The following TACC2 variants were observed in gnomAD, a reference collection of about 807,000 sequenced individuals.
TACC2 encodes transforming acidic coiled-coil-containing protein 2.
TACC2 carries 137 observed loss-of-function variants against 227.3 expected under a neutral mutation model. The observed-to-expected ratio is 0.60, with a 90% CI of 0.52 to 0.69. The LOEUF (loss-of-function observed/expected upper bound fraction) is 0.69, where lower values mean the gene tolerates loss of function less well. Ranked by LOEUF, TACC2 falls within the 30% of genes least tolerant of loss-of-function variation. TACC2 has a pLI of 0.00. For missense variants in TACC2, 3,470 were observed against 3,694.4 expected (o/e 0.94, Z 1.57); for synonymous variants, 1,523 against 1,487.5 (o/e 1.02, Z -0.55).
intron 1 of TACC2, among the ~76,000 whole-genome samples, chr10:122,006,223 T>C (rs1439499570): frequency 6.6e-6 from 1 of 151,678 alleles, no homozygotes; most frequent in Non-Finnish European, 1.5e-5. Context: ...CCGAGGTGGG[T>C]GGATCACGAG....
At chr10:121,990,058 A>C (rs1046383543) in intron 1 of TACC2, among the ~76,000 whole-genome samples, 2 of 151,966 alleles carry the variant, frequency 1.3e-5, no homozygotes, top group Non-Finnish European at 2.9e-5. Context: ...CATATTTTAA[A>C]TATTTCTTTA....
chr10:122,064,007 C>T (rs2077125856), intron 3 of TACC2, among the ~76,000 whole-genome samples: 1 of 151,772 alleles, frequency 6.6e-6, no homozygotes, highest in Non-Finnish European at 1.5e-5. Flanking sequence ...ACTAAAAATA[C>T]AAAAATTAGC....
rs112651130 is a variant in TACC2, at chr10:122,000,336, G to A, written c.-46+10848G>A. On this transcript the variant is annotated intron_variant, in intron 1 of 22. Coordinates refer to ENST00000369005, the MANE Select transcript of TACC2 (RefSeq NM_206862.4). ...AGAGCTTGCAGTGAGCAGAGATCGC[G>A]CCACTGCACTCCAGCCTGGGCGACA... is the stretch of plus-strand genomic sequence containing the variant. Among the ~76,000 whole-genome samples, 353 of 152,198 alleles carry A rather than the reference G, an allele frequency of 2.3e-3. 9 individuals carry two copies. The East Asian group carries it at 0.058, about 25-fold the overall frequency.
chr10:122,083,504 A>C lies in TACC2; in HGVS notation c.1004A>C (p.Gln335Pro), dbSNP rs1471768319. 1 of 1,613,250 alleles carries C rather than the reference A, an allele frequency of 6.2e-7. No individual in the cohort carries two copies. Among genetic ancestry groups the C allele is most frequent in the Admixed American group, 1.7e-5 (1 of 60,036 alleles). Residue 335 changes from glutamine to proline, a missense_variant, in exon 4 of 23, where the codon CAG becomes CCG. Around this residue, in one of 10 missense-constraint regions of TACC2, gnomAD observed 33 missense variants for 60.4 expected, o/e 0.55. Coordinates refer to ENST00000369005, the MANE Select transcript of TACC2 (RefSeq NM_206862.4). ...VNAASQESCQ[Q>P]PVGAYLPHAE... The stretch of plus-strand genomic sequence containing the variant: ...GCCGCTTCCCAGGAGAGCTGCCAGC[A>C]GCCAGTGGGAGCATATCTGCCGCAC...
chr10:122,112,947 C>G (rs924501075), intron 5 of TACC2: 4 of 152,028 alleles, frequency 2.6e-5, no homozygotes, highest in Non-Finnish European at 5.9e-5. Flanking sequence ...GAGCGCTGCC[C>G]CGGGTCGGAG....
At chr10:122,124,379 C>T (rs1435038938) in intron 5 of TACC2, among the ~76,000 whole-genome samples, 1 of 152,214 alleles carries the variant, frequency 6.6e-6, no homozygotes, top group Non-Finnish European at 1.5e-5. Flanking sequence ...CACTTCGGCT[C>T]CACTGCCTGC....
chr10:122,226,434 C>G lies in TACC2; in HGVS notation c.7677C>G (p.Val2559=). ...TTGACACTTCTCAGGAGAGCCCTGT[C>G]AAGTCATCTCCCGTCCGCATGTCAG... The part of the protein sequence containing the change: ...LMFDTSQESP[V]KSSPVRMSES... The change falls in exon 13 of 23, where the codon GTC becomes GTG. Residue 2559 remains valine (V), a synonymous_variant. Coordinates refer to ENST00000369005, the MANE Select transcript of TACC2 (RefSeq NM_206862.4). The G allele has an allele frequency of 6.2e-7, 1 of 1,614,104 alleles. No homozygotes were observed. Among genetic ancestry groups the G allele is most frequent in the Non-Finnish European group, 8.5e-7 (1 of 1,180,008 alleles).
At chr10:122,058,683 C>T (rs568152487) in intron 3 of TACC2, among the ~76,000 whole-genome samples, 2 of 151,898 alleles carry the variant, frequency 1.3e-5, no homozygotes, top group East Asian at 2.0e-4. Context: ...CTGGGATTTG[C>T]AGGCATGAGC....
At chr10:122,033,232 T>G in intron 2 of TACC2, 1 of 972,730 alleles carries the variant, frequency 1.0e-6, no homozygotes, top group South Asian at 1.4e-5. Context: ...ACATTTGGTG[T>G]GTCATGTGCA....
chr10:122,101,594 C>G (rs1224155818), intron 5 of TACC2, among the ~76,000 whole-genome samples: 1 of 114,876 alleles, frequency 8.7e-6, no homozygotes, highest in African/African-American at 3.3e-5. Flanking sequence ...GAATCTTGCT[C>G]TGTCGCCCAG....
At position 122,056,656 on chromosome 10, in the gene TACC2, A is replaced by T. The variant is rs573968101; in HGVS notation, c.146+6106A>T. 2.8e-4 allele frequency among the ~76,000 whole-genome samples: 42 copies of T among 152,218 alleles called. 2 individuals carry two copies. The East Asian group carries it at 7.7e-3, about 28-fold the overall frequency. Reference sequence around the variant, plus strand: ...AAGGAGGGTCTCCTGGCAGGGGTGGAGGGAGCTTGAGTGAAAGGGGCAGAC... The same window carrying T: ...AAGGAGGGTCTCCTGGCAGGGGTGGTGGGAGCTTGAGTGAAAGGGGCAGAC... On this transcript the variant is annotated intron_variant, in intron 3 of 22. Transcript: ENST00000369005.
rs143290941 is a variant in TACC2, at chr10:122,211,223, G to A, written c.6798G>A (p.Glu2266=). ...CCAAAGGGCTCTCCGTAAGGCTGGAGTTTGACTATTCTGAGGACAAGAGTA... is the reference window on the plus strand; with the variant it reads ...CCAAAGGGCTCTCCGTAAGGCTGGAATTTGACTATTCTGAGGACAAGAGTA... ...SPAKGLSVRL[E]FDYSEDKSSW... The change falls in exon 9 of 23, where the codon GAG becomes GAA. Residue 2266 remains glutamate, a synonymous_variant. Coordinates refer to ENST00000369005, the MANE Select transcript of TACC2 (RefSeq NM_206862.4). 5.3e-5 allele frequency: 85 copies of A among 1,614,154 alleles called. No homozygotes were observed. The African/African-American group carries it at 1.0e-3, about 19-fold the overall frequency.
At chr10:122,195,975 G>A (rs941812343) in intron 8 of TACC2, among the ~76,000 whole-genome samples, 1 of 152,208 alleles carries the variant, frequency 6.6e-6, no homozygotes, top group Non-Finnish European at 1.5e-5. Context: ...GCCTTCCCGT[G>A]TGATGAGAAG....
chr10:122,121,475 T>A (rs1460090226), intron 5 of TACC2, among the ~76,000 whole-genome samples: 3 of 152,126 alleles, frequency 2.0e-5, no homozygotes, highest in Non-Finnish European at 4.4e-5. Flanking sequence ...GGCCCCGGGC[T>A]CTGGCCTCCT....
At position 122,021,957 on chromosome 10, in the gene TACC2, G is replaced by A. The variant is rs200528686; in HGVS notation, c.-25G>A. On this transcript the variant is annotated 5_prime_UTR_variant, in exon 2 of 23. Coordinates refer to ENST00000369005, the MANE Select transcript of TACC2 (RefSeq NM_206862.4). ...TCCAGTCACCTCTGACAAAATTCTG[G>A]GGACGCTGGGAACACTGAATCAACA... 3 of 1,613,692 alleles carry A rather than the reference G, an allele frequency of 1.9e-6. No individual in the cohort carries two copies. Among genetic ancestry groups the A allele is most frequent in the Non-Finnish European group, 2.5e-6 (3 of 1,179,770 alleles).
chr10:122,141,289 G>A lies in TACC2; in HGVS notation c.5700-2283G>A, dbSNP rs916501484. Among the ~76,000 whole-genome samples the A allele has an allele frequency of 6.6e-5, 10 of 152,170 alleles. No homozygotes were observed. On this transcript the variant is annotated intron_variant, in intron 6 of 22. Transcript: ENST00000369005. The surrounding 1 kb of genome is among the most constrained non-coding windows in gnomAD (Gnocchi z 4.3). ...GTGAGTCACTGAGTGTTTCCTCGTG[G>A]GAGCCTGACCTCCTCGGCCCCTGGG...
chr10:122,106,820 T>A (rs2082855784), intron 5 of TACC2, among the ~76,000 whole-genome samples: 1 of 152,218 alleles, frequency 6.6e-6, no homozygotes, highest in Non-Finnish European at 1.5e-5. Flanking sequence ...AGTCCAAGGT[T>A]GTGTAATTCA....
At chr10:122,132,979 A>G (rs1018507436) in intron 6 of TACC2, among the ~76,000 whole-genome samples, 1 of 152,130 alleles carries the variant, frequency 6.6e-6, no homozygotes, top group Non-Finnish European at 1.5e-5. Flanking sequence ...CCCGGCCCCC[A>G]AGACATACAA....
chr10:122,054,244 A>G (rs10887058), intron 3 of TACC2, among the ~76,000 whole-genome samples: 37,817 of 152,190 alleles, frequency 0.25, 5,729 homozygotes, highest in Non-Finnish European at 0.35. Context: ...AACTTAGCCC[A>G]GCGTAGTTCA....
Sources: allele counts gnomAD v4.1 joint callset (sites outside exome capture counted in the v4.1 genomes callset), GRCh38; gene constraint gnomAD v4.1.1; regional missense constraint gnomAD v4.1.1; non-coding constraint Gnocchi (gnomAD v3.1); transcripts MANE v1.5; gene names NCBI Gene and HGNC (gene_info 2026-07-23, HGNC 2026-07-21).